Variants in ADCY8 observed in about 807,000 individuals in gnomAD.
ADCY8 encodes adenylate cyclase 8, also known as adenylate cyclase type 8.
Under a neutral mutation model 119.7 loss-of-function variants are expected in ADCY8, and 51 were observed. The observed-to-expected ratio is 0.43, with a 90% CI of 0.34 to 0.54. ADCY8 has a LOEUF of 0.54. Among genes scored for constraint, ADCY8 ranks in the 20% least tolerant of loss-of-function variants. The pLI, the probability that ADCY8 is intolerant of heterozygous loss-of-function variation, is 0.03. For missense variants in ADCY8, 1,383 were observed against 1,598.8 expected (o/e 0.87, Z 2.30); for synonymous variants, 665 against 651.0 (o/e 1.02, Z -0.33).
intron 4 of ADCY8, among the ~76,000 whole-genome samples, chr8:130,941,862 C>G (rs1389928057): frequency 6.6e-6 from 1 of 152,208 alleles, no homozygotes; most frequent in Non-Finnish European, 1.5e-5. Context: ...ATATCCTGCT[C>G]TGATTTCTTT....
At chr8:130,826,294 T>C (rs1816666650) in intron 12 of ADCY8, among the ~76,000 whole-genome samples, 1 of 152,200 alleles carries the variant, frequency 6.6e-6, no homozygotes, top group African/African-American at 2.4e-5. Flanking sequence ...TGTATATATA[T>C]GAGAGAAAAT....
chr8:131,006,646 G>A (rs1314391787), intron 1 of ADCY8, among the ~76,000 whole-genome samples: 2 of 152,048 alleles, frequency 1.3e-5, no homozygotes. Context: ...ACAATCCCTG[G>A]TGGCTTAGCG....
At chr8:130,804,694 A>G (rs983612058) in intron 14 of ADCY8, among the ~76,000 whole-genome samples, 6 of 152,142 alleles carry the variant, frequency 3.9e-5, no homozygotes, top group Non-Finnish European at 8.8e-5. Flanking sequence ...GGGGTGTCTT[A>G]ACGATTGTTT....
chr8:130,952,123 T>G lies in ADCY8; in HGVS notation c.1111-125A>C, dbSNP rs540425182. Reference sequence around the variant, plus strand: ...CTTTGGGATTGCTAATTTCATACCATTCTATGAATACAACAAATATTTATT... The same window carrying G: ...CTTTGGGATTGCTAATTTCATACCAGTCTATGAATACAACAAATATTTATT... On this transcript the variant is annotated intron_variant, in intron 2 of 17. Coordinates refer to ENST00000286355, the MANE Select transcript of ADCY8 (RefSeq NM_001115.3). 1.7e-4 allele frequency: 180 copies of G among 1,060,840 alleles called. No homozygotes were observed. The Middle Eastern group carries it at 1.8e-3, about 10-fold the overall frequency. The allele number at this position is 1,060,840 out of a possible 1,614,324, so 65.7% of individuals were successfully genotyped here.
chr8:131,022,951 G>C (rs112728360), intron 1 of ADCY8, among the ~76,000 whole-genome samples: 1,936 of 152,260 alleles, frequency 0.013, 38 homozygotes, highest in African/African-American at 0.045. Flanking sequence ...AGCATGTACA[G>C]GGTGGTGATG....
intron 9 of ADCY8, among the ~76,000 whole-genome samples, chr8:130,858,900 ATGTGTGTGTG>A (rs139305903): frequency 2.7e-5 from 4 of 148,698 alleles, no homozygotes; most frequent in African/African-American, 7.4e-5. Context: ...TATCATGTAT[ATGTGTGTGTG>A]TGTGTGTGTG....
chr8:130,827,956 C>A (rs552074485), intron 12 of ADCY8, among the ~76,000 whole-genome samples: 1 of 152,260 alleles, frequency 6.6e-6, no homozygotes, highest in African/African-American at 2.4e-5. Context: ...CATGGAGAAT[C>A]CTGGTTACTG....
chr8:130,789,129 A>T (rs1377821011), intron 15 of ADCY8, among the ~76,000 whole-genome samples: 13 of 152,254 alleles, frequency 8.5e-5, no homozygotes, highest in Non-Finnish European at 1.9e-4. Flanking sequence ...GTGTCTAAAC[A>T]TATCAAAACT....
At chr8:131,029,064 G>T (rs1375867451) in intron 1 of ADCY8, among the ~76,000 whole-genome samples, 1 of 152,226 alleles carries the variant, frequency 6.6e-6, no homozygotes, top group East Asian at 1.9e-4. Flanking sequence ...CCCATCGCTT[G>T]CATTACCGCC....
intron 11 of ADCY8, among the ~76,000 whole-genome samples, chr8:130,836,708 C>G (rs1816999050): frequency 6.6e-6 from 1 of 152,152 alleles, no homozygotes; most frequent in Non-Finnish European, 1.5e-5. Flanking sequence ...CTTCCCTACA[C>G]AGGCCATCCT....
At position 130,867,792 on chromosome 8, in the gene ADCY8, A is replaced by G. The variant is rs980309620; in HGVS notation, c.2210+54T>C. On this transcript the variant is annotated intron_variant, in intron 9 of 17. Coordinates refer to ENST00000286355, the MANE Select transcript of ADCY8 (RefSeq NM_001115.3). The stretch of plus-strand genomic sequence containing the variant: ...TGAAAAGTCAGCTGGCTGACTCCAC[A>G]TGAGGAATCTCACAAAGATATTTCA... The G allele has an allele frequency of 1.1e-5, 14 of 1,326,290 alleles. No homozygotes were observed. In the South Asian group the frequency reaches 1.1e-4, roughly 11 times the overall value. The allele number at this position is 1,326,290 out of a possible 1,614,324, so 82.2% of individuals were successfully genotyped here.
chr8:131,025,620 T>C (rs933892041), intron 1 of ADCY8, among the ~76,000 whole-genome samples: 3 of 152,242 alleles, frequency 2.0e-5, no homozygotes, highest in Admixed American at 2.0e-4. Context: ...ATTCCAATCT[T>C]ACCTGCTAAC....
At chr8:130,979,602 TG>T (rs1822178151) in intron 2 of ADCY8, among the ~76,000 whole-genome samples, 1 of 152,092 alleles carries the variant, frequency 6.6e-6, no homozygotes, top group South Asian at 2.1e-4. Flanking sequence ...GCATAATAAT[TG>T]GTTATATGGG....
chr8:130,836,219 A>G (rs2259296), intron 12 of ADCY8, 58 bp downstream of exon 12: 1,254,329 of 1,522,828 alleles, frequency 0.82, 517,730 homozygotes, highest in African/African-American at 0.93. Context: ...TTTTCCCAAC[A>G]ATTCCACTTC....
At chr8:130,941,502 A>G (rs564365313) in intron 4 of ADCY8, among the ~76,000 whole-genome samples, 34 of 152,200 alleles carry the variant, frequency 2.2e-4, no homozygotes, top group Non-Finnish European at 4.6e-4. Flanking sequence ...TATCAGAACC[A>G]TAATAGGAAA....
chr8:130,893,794 TTG>T (rs780323461), intron 7 of ADCY8, among the ~76,000 whole-genome samples: 48 of 144,200 alleles, frequency 3.3e-4, no homozygotes, highest in Admixed American at 6.9e-4. Context: ...GTGTGCATGT[TTG>T]TGTGTGTGCA....
chr8:130,842,219 T>G (rs2130282930), intron 11 of ADCY8, among the ~76,000 whole-genome samples: 1 of 152,302 alleles, frequency 6.6e-6, no homozygotes, highest in South Asian at 2.1e-4. Flanking sequence ...GATTTTGTCT[T>G]TATTATGGCT....
intron 15 of ADCY8, among the ~76,000 whole-genome samples, chr8:130,787,883 G>A (rs959278260): frequency 6.6e-6 from 1 of 151,896 alleles, no homozygotes; most frequent in African/African-American, 2.4e-5. Flanking sequence ...TGTGTGTGGT[G>A]TTTATATGTG....
At chr8:130,861,034 AT>A (rs1373162682) in intron 9 of ADCY8, among the ~76,000 whole-genome samples, 3 of 152,116 alleles carry the variant, frequency 2.0e-5, no homozygotes, top group Admixed American at 6.6e-5. Flanking sequence ...GTGTGGGTGT[AT>A]TTTGGGGCTT....
Sources: allele counts gnomAD v4.1 joint callset (sites outside exome capture counted in the v4.1 genomes callset), GRCh38; gene constraint gnomAD v4.1.1; transcripts MANE v1.5; gene names NCBI Gene and HGNC (gene_info 2026-07-23, HGNC 2026-07-21).